IQSEC1: variants seen among roughly 807,000 people sequenced by gnomAD.
IQSEC1 encodes the protein IQ motif and Sec7 domain ArfGEF 1, also known as IQ motif and SEC7 domain-containing protein 1.
A neutral mutation model predicts 91.0 loss-of-function variants in IQSEC1; 31 were observed. The ratio of observed to expected loss-of-function variants is 0.34; its 90% CI spans 0.26 to 0.46. IQSEC1 has a LOEUF of 0.46. Ranked by LOEUF, IQSEC1 falls within the 20% of genes least tolerant of loss-of-function variation. The probability of loss-of-function intolerance (pLI) is 1.00; values close to 1 mark genes in which losing one functional copy is unlikely to be tolerated. For synonymous variants in IQSEC1, 699 were observed against 662.6 expected, an observed-to-expected ratio of 1.05 and a Z score of -0.84; for missense variants, 1,388 against 1,575.6, an observed-to-expected ratio of 0.88 and a Z score of 2.02.
At chr3:12,977,566 G>A (rs745321604) in intron 1 of IQSEC1, among the ~76,000 whole-genome samples, 13 of 152,188 alleles carry the variant, frequency 8.5e-5, no homozygotes, top group Non-Finnish European at 1.9e-4. Context: ...CTTAGACACC[G>A]TGGCAGGGCC....
At chr3:13,019,750 C>T (rs1318971165) in intron 1 of IQSEC1, among the ~76,000 whole-genome samples, 1 of 152,156 alleles carries the variant, frequency 6.6e-6, no homozygotes, top group Admixed American at 6.5e-5. Flanking sequence ...ATTATGGTGC[C>T]CACACCCACC....
Position 13,035,187 on chromosome 3 carries a change from G to A in IQSEC1, c.23+37805C>T, listed in dbSNP as rs573427915. ...CTGCCCTTGGGGGTACAGAGTAGGC[G>A]CCCCGGCTCCTAATCCACATCCAGC... On this transcript the variant is annotated intron_variant, in intron 1 of 13. Coordinates refer to ENST00000613206, the MANE Select transcript of IQSEC1 (RefSeq NM_001134382.3). Among the ~76,000 whole-genome samples, 5 of 152,318 alleles carry A rather than the reference G, an allele frequency of 3.3e-5. No homozygotes were observed. The East Asian group carries it at 5.8e-4, about 18-fold the overall frequency.
chr3:13,124,184 G>C (rs914257186), intron 2 of IQSEC1, among the ~76,000 whole-genome samples: 2 of 152,292 alleles, frequency 1.3e-5, no homozygotes, highest in African/African-American at 4.8e-5. Context: ...AGGGGCTGGG[G>C]GAGTGGCAGT....
intron 1 of IQSEC1, among the ~76,000 whole-genome samples, chr3:13,169,815 T>C (rs1693575161): frequency 6.6e-6 from 1 of 152,214 alleles, no homozygotes; most frequent in African/African-American, 2.4e-5. Context: ...CAGCAAAGCA[T>C]TCAAGAGGTG....
chr3:13,196,749 CGTGTGTGTGTGTGTGTGTGT>C lies in IQSEC1; in HGVS notation c.273-32636_273-32617del, dbSNP rs5846802. Among the ~76,000 whole-genome samples, 37 of 148,498 alleles carry C rather than the reference CGTGTGTGTGTGTGTGTGTGT, an allele frequency of 2.5e-4. 1 individual carries two copies. The highest frequency in any genetic ancestry group is 8.6e-4 in the African/African-American group (35 of 40,668). On this transcript the variant is annotated intron_variant, in intron 1 of 15. Coordinates refer to the IQSEC1 transcript ENST00000648114. ...GTGCGTGTGTATGTACATGTGTGTGCGTGTGTGTGTGTGTGTGTGTGTGTGTGTGTGTGTGTGTGTGGTGG... is the reference window on the plus strand; with the variant it reads ...GTGCGTGTGTATGTACATGTGTGTGCGTGTGTGTGTGTGTGTGTGTGGTGG...
At chr3:13,249,036 C>T (rs1695151491) in intron 1 of IQSEC1, among the ~76,000 whole-genome samples, 2 of 152,182 alleles carry the variant, frequency 1.3e-5, no homozygotes, top group African/African-American at 4.8e-5. Context: ...TACCTCCTGA[C>T]TCAGACTGTG....
intron 3 of IQSEC1, among the ~76,000 whole-genome samples, chr3:12,931,266 G>A (rs533763077): frequency 6.6e-6 from 1 of 152,082 alleles, no homozygotes; most frequent in Admixed American, 6.5e-5. Flanking sequence ...CTGTGTCTAG[G>A]GGAGAGGGGT....
chr3:12,963,552 T>A (rs1235593797), intron 1 of IQSEC1, among the ~76,000 whole-genome samples: 1 of 152,260 alleles, frequency 6.6e-6, no homozygotes, highest in Non-Finnish European at 1.5e-5. Context: ...GGGATCTATC[T>A]GTATGCTTTG....
In IQSEC1 at chr3:12,964,839, GCACA is replaced by G. The variant is rs372295749; in HGVS notation, c.24-22978_24-22975del. On this transcript the variant is annotated intron_variant, in intron 1 of 13. Transcript: ENST00000613206. ...TATGCACACACAGATGCACACACAT[GCACA>G]CACACATATACTGAGCTCCTGCAGC... is the stretch of plus-strand genomic sequence containing the variant. 5.3e-3 allele frequency among the ~76,000 whole-genome samples: 811 copies of G among 152,116 alleles called. 9 individuals are homozygous for G. Among genetic ancestry groups the G allele is most frequent in the African/African-American group, 0.018 (765 of 41,480 alleles).
At chr3:13,031,979 G>T (rs757423441) in intron 1 of IQSEC1, among the ~76,000 whole-genome samples, 24 of 152,100 alleles carry the variant, frequency 1.6e-4, no homozygotes, top group Non-Finnish European at 3.2e-4. Flanking sequence ...CGGACCCACA[G>T]AAAAGTTGTG....
intron 6 of IQSEC1, among the ~76,000 whole-genome samples, chr3:12,918,819 C>CTAAA (rs939513862): frequency 3.7e-4 from 56 of 152,200 alleles, no homozygotes; most frequent in Admixed American, 5.2e-4. Context: ...AAGACCATGT[C>CTAAA]TAAATAAATA....
intron 3 of IQSEC1, among the ~76,000 whole-genome samples, chr3:12,930,445 ACT>A (rs1217370080): frequency 6.6e-6 from 1 of 151,816 alleles, no homozygotes; most frequent in Non-Finnish European, 1.5e-5. Flanking sequence ...GGCAGATTCT[ACT>A]CTCTGCTCCA....
chr3:13,240,368 C>T (rs776243254), intron 1 of IQSEC1, among the ~76,000 whole-genome samples: 4 of 152,026 alleles, frequency 2.6e-5, no homozygotes, highest in Non-Finnish European at 4.4e-5. Context: ...GAGACCTTAT[C>T]GCTAATAAAT....
At chr3:12,932,938 A>G (rs1268078890) in intron 3 of IQSEC1, among the ~76,000 whole-genome samples, 2 of 151,956 alleles carry the variant, frequency 1.3e-5, no homozygotes, top group African/African-American at 4.8e-5. Flanking sequence ...AACCTACACC[A>G]CTTTCTCAGG....
chr3:13,124,755 C>T (rs1477620289), intron 2 of IQSEC1, among the ~76,000 whole-genome samples: 3 of 136,264 alleles, frequency 2.2e-5, no homozygotes, highest in East Asian at 2.1e-4. Flanking sequence ...CTTGGGCAAA[C>T]GTCCCATGGG....
At chr3:12,917,822 A>G (rs1696248574) in intron 6 of IQSEC1, among the ~76,000 whole-genome samples, 1 of 152,264 alleles carries the variant, frequency 6.6e-6, no homozygotes. Flanking sequence ...TCCATTCAAA[A>G]AATAAATTAA....
rs114597350 is a variant in IQSEC1 at position 13,028,922 on chromosome 3, C to T, written c.23+44070G>A. On this transcript the variant is annotated intron_variant, in intron 1 of 13. Coordinates refer to ENST00000613206, the MANE Select transcript of IQSEC1 (RefSeq NM_001134382.3). Reference sequence around the variant, plus strand: ...TCAGAAGTCCTGATTCTGAGACCTGCGCTGGCCAAGGGATCCTCACAAGCC... The same window carrying T: ...TCAGAAGTCCTGATTCTGAGACCTGTGCTGGCCAAGGGATCCTCACAAGCC... Among the ~76,000 whole-genome samples, 206 of 152,242 alleles carry T rather than the reference C, an allele frequency of 1.4e-3. No individual in the cohort carries two copies. In the Middle Eastern group the frequency reaches 0.017, roughly 13 times the overall value.
intron 1 of IQSEC1, among the ~76,000 whole-genome samples, chr3:13,278,979 C>A (rs995108526): frequency 6.6e-6 from 1 of 152,188 alleles, no homozygotes; most frequent in East Asian, 1.9e-4. Flanking sequence ...GGAGCAGCAG[C>A]TGCACCTGCC....
intron 1 of IQSEC1, among the ~76,000 whole-genome samples, chr3:13,054,324 T>C (rs1704800190): frequency 6.6e-6 from 1 of 152,208 alleles, no homozygotes; most frequent in Non-Finnish European, 1.5e-5. Flanking sequence ...CTACCAGCAG[T>C]TGACTGTGAG....
Sources: gnomAD v4.1 joint callset for allele counts (sites outside exome capture counted in the v4.1 genomes callset) on GRCh38, gnomAD v4.1.1 for gene constraint, MANE v1.5 for transcripts, NCBI Gene and HGNC (gene_info 2026-07-23, HGNC 2026-07-21) for gene names.